The following FOXK2 variants were observed in gnomAD, a reference collection of about 807,000 sequenced individuals.
FOXK2 encodes forkhead box K2, also known as forkhead box protein K2.
In FOXK2, 24 loss-of-function variants were observed where a neutral mutation model predicts 53.3. The observed-to-expected ratio is 0.45, with a 90% confidence interval of 0.33 to 0.63. FOXK2 has a LOEUF of 0.63. Ranked by LOEUF, FOXK2 falls within the 30% of genes least tolerant of loss-of-function variation. The pLI is 0.03. For synonymous variants in FOXK2, 505 were observed against 407.1 expected, an observed-to-expected ratio of 1.24 and a Z score of -2.89; for missense variants, 952 against 910.5, an observed-to-expected ratio of 1.05 and a Z score of -0.59.
rs934613828 is a variant in FOXK2 at position 82,602,922 on chromosome 17, T to C, written c.*1423T>C. The C allele has an allele frequency of 8.5e-5, 13 of 152,148 alleles. No homozygotes were observed. Among genetic ancestry groups the C allele is most frequent in the African/African-American group, 3.2e-4 (13 of 41,070 alleles). 9.4% of individuals were successfully genotyped at this position (152,148 alleles called of 1,614,324 possible). A position where few individuals can be genotyped will look rare whatever the true frequency, so the allele number is the denominator to read the frequency against. Reference sequence around the variant, plus strand: ...TGTAGTTATTTTGGTATTTAATTTTTTTTTAGAGAGGAAAAAACCTGTATT... The same window carrying C: ...TGTAGTTATTTTGGTATTTAATTTTCTTTTAGAGAGGAAAAAACCTGTATT... On this transcript the variant is annotated 3_prime_UTR_variant, in exon 9 of 9. Coordinates refer to ENST00000335255, the MANE Select transcript of FOXK2 (RefSeq NM_004514.4).
At chr17:82,566,195 G>A (rs1414976010) in intron 2 of FOXK2, among the ~76,000 whole-genome samples, 1 of 151,902 alleles carries the variant, frequency 6.6e-6, no homozygotes, top group African/African-American at 2.4e-5. Context: ...GAAGTGTGCA[G>A]TTTAAAATGG....
At chr17:82,597,105 C>T (rs1167817805) in intron 8 of FOXK2, among the ~76,000 whole-genome samples, 1 of 152,228 alleles carries the variant, frequency 6.6e-6, no homozygotes, top group East Asian at 1.9e-4. Flanking sequence ...CCGTGACTCC[C>T]TGTAACACAC....
chr17:82,548,534 C>G (rs1381471862), intron 1 of FOXK2, among the ~76,000 whole-genome samples: 1 of 152,100 alleles, frequency 6.6e-6, no homozygotes, highest in Non-Finnish European at 1.5e-5. Context: ...AACAGAAGTC[C>G]TTTGTGAGAT....
At chr17:82,591,473 C>G (rs1454114870) in intron 8 of FOXK2, among the ~76,000 whole-genome samples, 1 of 152,130 alleles carries the variant, frequency 6.6e-6, no homozygotes, top group Non-Finnish European at 1.5e-5. Flanking sequence ...TGGAGAAGGC[C>G]TGGAGGAGAT....
At chr17:82,543,221 T>C (rs1320371368) in intron 1 of FOXK2, among the ~76,000 whole-genome samples, 1 of 152,246 alleles carries the variant, frequency 6.6e-6, no homozygotes, top group African/African-American at 2.4e-5. Flanking sequence ...CTGGACATGC[T>C]ATCAGAATAT....
At chr17:82,538,474 G>T (rs1364075890) in intron 1 of FOXK2, among the ~76,000 whole-genome samples, 1 of 152,212 alleles carries the variant, frequency 6.6e-6, no homozygotes, top group Non-Finnish European at 1.5e-5. Context: ...GACAGACCAA[G>T]ATCCTGTCTC....
In FOXK2 at chr17:82,586,409, AAAGGAGGAGAGGGGAGACCACAGGGAG is replaced by A. The variant is rs2045160558; in HGVS notation, c.1576+210_1576+236del. On this transcript the variant is annotated intron_variant, in intron 7 of 8. Transcript: ENST00000335255. ...GGGAGGTGAAAGGTGGGCGGGGGGG[AAAGGAGGAGAGGGGAGACCACAGGGAG>A]GTCAAAGGTGGGCCGGGGGGGGAAA... 3.0e-4 allele frequency among the ~76,000 whole-genome samples: 30 copies of A among 100,300 alleles called. 1 individual carries two copies. The highest frequency in any genetic ancestry group is 5.2e-4 in the African/African-American group (13 of 25,190). 65.8% of individuals were successfully genotyped at this position (100,300 alleles called of 152,430 possible).
intron 4 of FOXK2, among the ~76,000 whole-genome samples, chr17:82,579,958 C>T (rs1194029701): frequency 1.6e-5 from 2 of 125,614 alleles, no homozygotes; most frequent in Non-Finnish European, 3.4e-5. Context: ...CCATGTCGCC[C>T]ATGAAGTAGC....
At chr17:82,520,431 AC>A in intron 1 of FOXK2, 124 bp downstream of exon 1, 2 of 857,952 alleles carry the variant, frequency 2.3e-6, no homozygotes, top group Non-Finnish European at 3.1e-6. Flanking sequence ...CACAGCCGGG[AC>A]CACCAGCGGG....
At chr17:82,555,212 C>T (rs1038807129) in intron 1 of FOXK2, among the ~76,000 whole-genome samples, 2 of 152,156 alleles carry the variant, frequency 1.3e-5, no homozygotes, top group African/African-American at 2.4e-5. Flanking sequence ...AGAGGCACCT[C>T]AGGCCTTGGG....
intron 8 of FOXK2, among the ~76,000 whole-genome samples, chr17:82,590,653 G>A (rs1003943488): frequency 6.6e-5 from 10 of 152,116 alleles, no homozygotes; most frequent in African/African-American, 2.2e-4. Flanking sequence ...CCAGACCACT[G>A]CAAAAAAATG....
chr17:82,549,634 C>A (rs1386247629), intron 1 of FOXK2, among the ~76,000 whole-genome samples: 2 of 151,868 alleles, frequency 1.3e-5, no homozygotes, highest in Non-Finnish European at 2.9e-5. Flanking sequence ...GAGATGGGGG[C>A]CAAAACCCCC....
chr17:82,542,037 C>T (rs928349290), intron 1 of FOXK2, among the ~76,000 whole-genome samples: 5 of 151,734 alleles, frequency 3.3e-5, no homozygotes, highest in Non-Finnish European at 5.9e-5. Flanking sequence ...TGCACCACCA[C>T]GCCTGGCTAT....
chr17:82,528,076 G>T (rs775249364), intron 1 of FOXK2, among the ~76,000 whole-genome samples: 2 of 152,140 alleles, frequency 1.3e-5, no homozygotes, highest in Non-Finnish European at 2.9e-5. Flanking sequence ...GGGATTACAG[G>T]TGCGAGCCAC....
intron 1 of FOXK2, among the ~76,000 whole-genome samples, chr17:82,532,976 C>G (rs1008700346): frequency 1.3e-5 from 2 of 152,122 alleles, no homozygotes; most frequent in Non-Finnish European, 2.9e-5. Context: ...GAAACACACA[C>G]TAGCCTAGCC....
Position 82,587,069 on chromosome 17 carries a change from T to A in FOXK2, c.1583T>A (p.Val528Glu). The A allele has an allele frequency of 6.2e-7, 1 of 1,612,738 alleles. No individual in the cohort carries two copies. Among genetic ancestry groups the A allele is most frequent in the Non-Finnish European group, 8.5e-7 (1 of 1,179,868 alleles). Residue 528 changes from valine (V) to glutamate (E), a missense_variant, in exon 8 of 9, where the codon GTA becomes GAA. By Grantham distance (121) the Val-to-Glu change is moderately radical. Coordinates refer to ENST00000335255, the MANE Select transcript of FOXK2 (RefSeq NM_004514.4). ...NGDHREVKVK[V>E]EPIPAIGHAT... ...TCTTTTCCTTTAATTTCAGTGAAAGTAGAGCCTATTCCCGCCATTGGCCAC... is the reference window on the plus strand; with the variant it reads ...TCTTTTCCTTTAATTTCAGTGAAAGAAGAGCCTATTCCCGCCATTGGCCAC...
At position 82,586,122 on chromosome 17, in the gene FOXK2, G is replaced by C. The variant is rs751336957; in HGVS notation, c.1498G>C (p.Ala500Pro). 3.7e-6 allele frequency: 6 copies of C among 1,612,680 alleles called. No individual in the cohort carries two copies. The East Asian group carries it at 8.9e-5, about 24-fold the overall frequency. ...PANTYTVSGQ[A>P]VVTPAAVLAP... ...GAACACGTACACTGTCTCTGGACAA[G>C]CTGTGGTCACCCCGGCAGCCGTGCT... Residue 500 changes from alanine to proline, a missense_variant, in exon 7 of 9, where the codon GCT becomes CCT. By Grantham distance (27) the Ala-to-Pro change is conservative (BLOSUM62 -1). Around this residue, in one of 5 missense-constraint regions of FOXK2, gnomAD observed 551 missense variants for 385.1 expected, o/e 1.43. Coordinates refer to ENST00000335255, the MANE Select transcript of FOXK2 (RefSeq NM_004514.4).
At position 82,592,671 on chromosome 17, in the gene FOXK2, G is replaced by A. The variant is rs146721226; in HGVS notation, c.1786+5399G>A. On this transcript the variant is annotated intron_variant, in intron 8 of 8. Coordinates refer to ENST00000335255, the MANE Select transcript of FOXK2 (RefSeq NM_004514.4). The stretch of plus-strand genomic sequence containing the variant: ...CTCTTCTTCCTTGTGTAGCAGTTAC[G>A]TGGTCCTCAAATATCATTTGTTGAC... Among the ~76,000 whole-genome samples, 272 of 152,296 alleles carry A rather than the reference G, an allele frequency of 1.8e-3. 1 individual carries two copies. The highest frequency in any genetic ancestry group is 5.1e-3 in the African/African-American group (212 of 41,550).
intron 8 of FOXK2, chr17:82,601,072 TGGGGTCCCAAGGGCCCAGCCCAG>T (rs2045377037): frequency 2.1e-6 from 1 of 485,128 alleles, no homozygotes; most frequent in Admixed American, 3.4e-5. Context: ...TGCAGTTTTT[TGGGGTCCCAAGGGCCCAGCCCAG>T]GCTCCTGTGC....
Sources: gnomAD v4.1 joint callset for allele counts (sites outside exome capture counted in the v4.1 genomes callset) on GRCh38, gnomAD v4.1.1 for gene constraint, gnomAD v4.1.1 regional missense constraint, MANE v1.5 for transcripts, NCBI Gene and HGNC (gene_info 2026-07-23, HGNC 2026-07-21) for gene names.